The following ORC5 variants were observed in gnomAD, a reference collection of about 807,000 sequenced individuals.
The protein encoded by ORC5 is origin recognition complex subunit 5, also known as protein phosphatase 1, regulatory subunit 117.
A neutral mutation model predicts 58.8 loss-of-function variants in ORC5; 39 were observed. The ratio of observed to expected loss-of-function variants is 0.66; its 90% CI spans 0.51 to 0.87. The LOEUF (loss-of-function observed/expected upper bound fraction) is 0.87, where lower values mean the gene tolerates loss of function less well. ORC5 is among the 40% of genes least tolerant of loss of function. ORC5 has a pLI of 0.00. For missense variants in ORC5, 493 were observed against 506.3 expected (o/e 0.97, Z 0.25); for synonymous variants, 218 against 177.6 (o/e 1.23, Z -1.81).
chr7:104,179,715 T>C (rs1235764296), intron 8 of ORC5, among the ~76,000 whole-genome samples: 1 of 152,154 alleles, frequency 6.6e-6, no homozygotes, highest in East Asian at 1.9e-4. Context: ...AAAGCTGTCT[T>C]CTTCACTTAG....
chr7:104,194,115 T>TTA (rs56085561), intron 5 of ORC5, among the ~76,000 whole-genome samples: 12 of 150,052 alleles, frequency 8.0e-5, no homozygotes, highest in Admixed American at 1.3e-4. Context: ...TTTTTTTTTT[T>TTA]AAATAAAATC....
At chr7:104,175,833 A>T (rs1222790634) in intron 8 of ORC5, among the ~76,000 whole-genome samples, 1 of 152,206 alleles carries the variant, frequency 6.6e-6, no homozygotes, top group Non-Finnish European at 1.5e-5. Flanking sequence ...AGACCAATAA[A>T]CAAAAGACAG....
rs1044263240 is a variant in ORC5, at chr7:104,129,661, T to A, written c.1263-2768A>T. 6.6e-6 allele frequency among the ~76,000 whole-genome samples: 1 copy of A among 152,224 alleles called. No individual in the cohort carries two copies. Among genetic ancestry groups the A allele is most frequent in the African/African-American group, 2.4e-5 (1 of 41,462 alleles). On this transcript the variant is annotated intron_variant, in intron 13 of 13. Coordinates refer to ENST00000297431, the MANE Select transcript of ORC5 (RefSeq NM_002553.4). The surrounding 1 kb of genome is among the most constrained non-coding windows in gnomAD (Gnocchi z 4.9). ...ATCCTCTTTAAAGAAAGGTATAACT[T>A]ACAAGAGAATTGTGTAATTTGCATG...
Position 104,188,189 on chromosome 7 carries a change from T to C in ORC5, c.684+62A>G, listed in dbSNP as rs1014672566. 18 of 1,172,252 alleles carry C rather than the reference T, an allele frequency of 1.5e-5. No homozygotes were observed. In the African/African-American group the frequency reaches 1.8e-4, roughly 11 times the overall value. 72.6% of individuals were successfully genotyped at this position (1,172,252 alleles called of 1,614,324 possible). On this transcript the variant is annotated intron_variant, in intron 6 of 13. Coordinates refer to ENST00000297431, the MANE Select transcript of ORC5 (RefSeq NM_002553.4). ...ACATTAAAATACATATATACACATA[T>C]ATGTATACACACACACACACACACA...
At chr7:104,186,082 A>G (rs1199799718) in intron 6 of ORC5, among the ~76,000 whole-genome samples, 1 of 152,192 alleles carries the variant, frequency 6.6e-6, no homozygotes, top group Non-Finnish European at 1.5e-5. Flanking sequence ...TTCAGATCTA[A>G]GCATGGTGTA....
chr7:104,205,091 T>C lies in ORC5; in HGVS notation c.73-857A>G, dbSNP rs59380034. Among the ~76,000 whole-genome samples the C allele has an allele frequency of 2.8e-3, 378 of 136,448 alleles. 15 individuals carry two copies. The East Asian group carries it at 0.07, about 25-fold the overall frequency. The allele number at this position is 136,448 out of a possible 152,430, so 89.5% of individuals were successfully genotyped here. A position where few individuals can be genotyped will look rare whatever the true frequency, so the allele number is the denominator to read the frequency against. On this transcript the variant is annotated intron_variant, in intron 1 of 13. Transcript: ENST00000297431. Reference sequence around the variant, plus strand: ...CTTGATTTTTTAATAATACTCTTTTTTTTTTTTTTTTTTTTTGAGATGGAG... The same window carrying C: ...CTTGATTTTTTAATAATACTCTTTTCTTTTTTTTTTTTTTTTGAGATGGAG...
rs138775057 is a variant in ORC5 at position 104,183,019 on chromosome 7, C to A, written c.824+924G>T. Among the ~76,000 whole-genome samples, 339 of 152,230 alleles carry A rather than the reference C, an allele frequency of 2.2e-3. 1 individual carries two copies. The highest frequency in any genetic ancestry group is 7.7e-3 in the African/African-American group (320 of 41,528). ...GCATGGTGGTGCGTGCCTGTAATCCCAGCTACTCGAGGGGCTGAGGCAGGA... is the reference window on the plus strand; with the variant it reads ...GCATGGTGGTGCGTGCCTGTAATCCAAGCTACTCGAGGGGCTGAGGCAGGA... On this transcript the variant is annotated intron_variant, in intron 8 of 13. Transcript: ENST00000297431.
At chr7:104,207,767 G>C in intron 1 of ORC5, 66 bp downstream of exon 1, 1 of 1,475,020 alleles carries the variant, frequency 6.8e-7, no homozygotes, top group Non-Finnish European at 9.5e-7. Flanking sequence ...AACAAATATT[G>C]GAACAGGTCG....
chr7:104,172,329 A>T (rs1799227945), intron 8 of ORC5, among the ~76,000 whole-genome samples: 1 of 152,236 alleles, frequency 6.6e-6, no homozygotes, highest in Non-Finnish European at 1.5e-5. Flanking sequence ...CATTTAGAAG[A>T]TCACAAGCTT....
chr7:104,154,727 T>C (rs1347247503), intron 12 of ORC5, among the ~76,000 whole-genome samples: 1 of 151,886 alleles, frequency 6.6e-6, no homozygotes, highest in African/African-American at 2.4e-5. Flanking sequence ...GAACTTGAAA[T>C]GTGAATTAGA....
intron 11 of ORC5, 148 bp downstream of exon 11, chr7:104,165,087 A>G (rs1799084534): frequency 1.9e-6 from 1 of 514,556 alleles, no homozygotes; most frequent in African/African-American, 2.0e-5. Flanking sequence ...TATATTCAAT[A>G]TAACAAAATT....
chr7:104,152,206 T>C (rs1798857530), intron 12 of ORC5, among the ~76,000 whole-genome samples: 1 of 152,130 alleles, frequency 6.6e-6, no homozygotes, highest in African/African-American at 2.4e-5. Flanking sequence ...TGGAGTGCAG[T>C]GGTACAATCA....
chr7:104,151,544 C>G (rs183755913), intron 12 of ORC5, among the ~76,000 whole-genome samples: 36 of 152,178 alleles, frequency 2.4e-4, no homozygotes, highest in African/African-American at 8.4e-4. Flanking sequence ...TCTAATAACG[C>G]GTATACTACA....
intron 13 of ORC5, among the ~76,000 whole-genome samples, chr7:104,132,217 A>G (rs1002886626): frequency 3.3e-5 from 5 of 152,028 alleles, no homozygotes; most frequent in African/African-American, 1.2e-4. Flanking sequence ...CTGACTTTTG[A>G]CCATTACTCC....
At position 104,138,063 on chromosome 7, in the gene ORC5, C is replaced by T. The variant is rs868687769; in HGVS notation, c.1150-1170G>A. On this transcript the variant is annotated intron_variant, in intron 12 of 13. Transcript: ENST00000297431. This position sits in a 1 kb window ranked among gnomAD's most constrained non-coding sequence, Gnocchi z 4.7. ...TGAGATTGGAGCCCCACAACCTGCC[C>T]GTCTGCATGCTCCCATTAGAGGTTT... 6.6e-6 allele frequency among the ~76,000 whole-genome samples: 1 copy of T among 152,186 alleles called. No homozygotes were observed. The highest frequency in any genetic ancestry group is 2.4e-5 in the African/African-American group (1 of 41,450).
rs776476996 is a variant in ORC5, at chr7:104,200,805, T to C, written c.319A>G (p.Lys107Glu). The change falls in exon 3 of 14, where the codon AAA (lysine) becomes GAA (glutamate). Residue 107 changes from lysine (K) to glutamate (E), a missense_variant. Lys to Glu is a moderately conservative substitution (Grantham distance 56). Coordinates refer to ENST00000297431, the MANE Select transcript of ORC5 (RefSeq NM_002553.4). ...AGATTTTCAGCTGTGGTTACTTGTT[T>C]AAACAAGCGAACAAAGTCATTAAAT... ...ETFNDFVRLF[K>E]QVTTAENLKD... The C allele has an allele frequency of 1.9e-6, 3 of 1,612,564 alleles. No individual in the cohort carries two copies. The highest frequency in any genetic ancestry group is 2.5e-6 in the Non-Finnish European group (3 of 1,178,800).
rs1799089233 is a variant in ORC5 at position 104,165,257 on chromosome 7, T to C, written c.1016A>G (p.Asn339Ser). 2 of 1,525,052 alleles carry C rather than the reference T, an allele frequency of 1.3e-6. No homozygotes were observed. Among genetic ancestry groups the C allele is most frequent in the African/African-American group, 1.4e-5 (1 of 72,574 alleles). 94.5% of individuals were successfully genotyped at this position (1,525,052 alleles called of 1,614,324 possible). ...TACCTTTTCGTGTTTTTTTAGAAAG[T>C]TGGTTTTCTTGATTTTTCCATGATG... ...LKHHGKIKKT[N>S]FLKKHEKTSN... The change falls in exon 11 of 14, where the codon AAC (asparagine) becomes AGC (serine). Residue 339 changes from asparagine (N) to serine (S), a missense_variant. Physicochemically the swap from Asn to Ser is conservative, Grantham distance 46 (BLOSUM62 1). This residue lies in a region of ORC5 where 412 missense variants were observed against 403.7 expected (regional missense o/e 1.02). Coordinates refer to ENST00000297431, the MANE Select transcript of ORC5 (RefSeq NM_002553.4).
At position 104,136,164 on chromosome 7, in the gene ORC5, A is replaced by C. The variant is rs10281709; in HGVS notation, c.1262+617T>G. Among the ~76,000 whole-genome samples, 8,083 of 152,128 alleles carry C rather than the reference A, an allele frequency of 0.053. 711 individuals are homozygous for C. Among genetic ancestry groups the C allele is most frequent in the African/African-American group, 0.18 (7,620 of 41,458 alleles). On this transcript the variant is annotated intron_variant, in intron 13 of 13. Transcript: ENST00000297431. The surrounding 1 kb of genome is among the most constrained non-coding windows in gnomAD (Gnocchi z 4.2). The stretch of plus-strand genomic sequence containing the variant: ...CATTTTGCACGACAGCCCCTGAAAC[A>C]CTTAAGACAGTTCACATGTCCTTCC...
intron 5 of ORC5, among the ~76,000 whole-genome samples, chr7:104,189,787 G>T (rs1799633066): frequency 6.6e-6 from 1 of 152,150 alleles, no homozygotes; most frequent in Admixed American, 6.5e-5. Context: ...TATGATAAAT[G>T]GAGTAAGTAC....
Sources: allele counts gnomAD v4.1 joint callset (sites outside exome capture counted in the v4.1 genomes callset), GRCh38; gene constraint gnomAD v4.1.1; regional missense constraint gnomAD v4.1.1; non-coding constraint Gnocchi (gnomAD v3.1); transcripts MANE v1.5; gene names NCBI Gene and HGNC (gene_info 2026-07-23, HGNC 2026-07-21).